The following ULK4 variants were observed in gnomAD, a reference collection of about 807,000 sequenced individuals.
ULK4 encodes inactive serine/threonine-protein kinase ULK4.
Under a neutral mutation model 160.6 loss-of-function variants are expected in ULK4, and 133 were observed. The ratio of observed to expected loss-of-function variants is 0.83; its 90% confidence interval spans 0.72 to 0.96. The LOEUF (loss-of-function observed/expected upper bound fraction) is 0.96, where lower values mean the gene tolerates loss of function less well. Among genes scored for constraint, ULK4 ranks in the 40% least tolerant of loss-of-function variants. ULK4 has a pLI of 0.00. For synonymous variants in ULK4, 534 were observed against 539.8 expected, an observed-to-expected ratio of 0.99 and a Z score of 0.15; for missense variants, 1,580 against 1,499.5, an observed-to-expected ratio of 1.05 and a Z score of -0.89.
intron 31 of ULK4, among the ~76,000 whole-genome samples, chr3:41,588,288 C>T (rs2030987135): frequency 6.6e-6 from 1 of 152,192 alleles, no homozygotes; most frequent in Admixed American, 6.5e-5. Flanking sequence ...TTAATATATA[C>T]TTTTTGGAAC....
intron 34 of ULK4, among the ~76,000 whole-genome samples, chr3:41,414,541 T>C (rs780860886): frequency 6.6e-6 from 1 of 152,152 alleles, no homozygotes; most frequent in Non-Finnish European, 1.5e-5. Flanking sequence ...AAAAAGTATA[T>C]GAAAAATATT....
chr3:41,519,825 T>C (rs996784615), intron 32 of ULK4, among the ~76,000 whole-genome samples: 20 of 152,238 alleles, frequency 1.3e-4, no homozygotes, highest in African/African-American at 4.6e-4. Context: ...TACTATTTTG[T>C]AAGTTGCATA....
At chr3:41,283,328 C>G (rs138460558) in intron 35 of ULK4, among the ~76,000 whole-genome samples, 1 of 152,320 alleles carries the variant, frequency 6.6e-6, no homozygotes, top group African/African-American at 2.4e-5. Context: ...CATCATGCTA[C>G]TGTAAAGACA....
At chr3:41,873,491 T>C (rs1371328535) in intron 17 of ULK4, among the ~76,000 whole-genome samples, 1 of 152,204 alleles carries the variant, frequency 6.6e-6, no homozygotes, top group African/African-American at 2.4e-5. Flanking sequence ...CATTCACATG[T>C]GTATTCCAAA....
chr3:41,250,937 C>T (rs1408949775), intron 35 of ULK4: 1 of 152,200 alleles, frequency 6.6e-6, no homozygotes, highest in Non-Finnish European at 1.5e-5. Flanking sequence ...AAGGTACACT[C>T]CCCATCAGGC....
intron 34 of ULK4, among the ~76,000 whole-genome samples, chr3:41,454,760 T>G (rs981262813): frequency 1.3e-5 from 2 of 152,078 alleles, no homozygotes; most frequent in African/African-American, 4.8e-5. Context: ...TGGCACGATC[T>G]TGGTTCACTG....
chr3:41,838,436 T>TTATA (rs1047783729), intron 17 of ULK4, among the ~76,000 whole-genome samples: 1 of 152,138 alleles, frequency 6.6e-6, no homozygotes, highest in Admixed American at 6.5e-5. Context: ...CAGTAGACTG[T>TTATA]TTTATGTATG....
At chr3:41,590,002 T>A (rs577889562) in intron 31 of ULK4, among the ~76,000 whole-genome samples, 96 of 151,350 alleles carry the variant, frequency 6.3e-4, no homozygotes, top group Non-Finnish European at 1.1e-3. Context: ...AAATGCAAGG[T>A]TTTTTTTGTT....
intron 20 of ULK4, among the ~76,000 whole-genome samples, chr3:41,794,683 A>AAAAAAAAAAAAAAC (rs1559557491): frequency 2.4e-5 from 3 of 126,802 alleles, no homozygotes; most frequent in Non-Finnish European, 3.3e-5. Flanking sequence ...AAAAAAAAAA[A>AAAAAAAAAAAAAAC]AAACACAGAA....
intron 34 of ULK4, among the ~76,000 whole-genome samples, chr3:41,451,086 A>T (rs1350373541): frequency 6.6e-6 from 1 of 152,158 alleles, no homozygotes; most frequent in African/African-American, 2.4e-5. Context: ...GGCTCTAAGC[A>T]GGACAGTGAA....
intron 31 of ULK4, among the ~76,000 whole-genome samples, chr3:41,589,409 A>T (rs991607893): frequency 1.3e-5 from 2 of 149,886 alleles, no homozygotes; most frequent in African/African-American, 5.0e-5. Flanking sequence ...TGCACAGGAA[A>T]AAACACCACA....
At chr3:41,377,942 C>G (rs1280292706) in intron 35 of ULK4, among the ~76,000 whole-genome samples, 1 of 151,556 alleles carries the variant, frequency 6.6e-6, no homozygotes, top group Non-Finnish European at 1.5e-5. Flanking sequence ...TATTGCAGCA[C>G]TATTCACAAT....
At chr3:41,846,081 A>G (rs536864790) in intron 17 of ULK4, among the ~76,000 whole-genome samples, 4 of 152,328 alleles carry the variant, frequency 2.6e-5, no homozygotes, top group South Asian at 2.1e-4. Context: ...TTAGAACTCA[A>G]TGTCTTGTAA....
intron 34 of ULK4, among the ~76,000 whole-genome samples, chr3:41,445,759 A>T (rs34038224): frequency 6.6e-6 from 1 of 150,566 alleles, no homozygotes; most frequent in Non-Finnish European, 1.5e-5. Flanking sequence ...TAGACCTAAA[A>T]CCATAAAAAC....
chr3:41,467,510 G>C (rs1004158280), intron 32 of ULK4, among the ~76,000 whole-genome samples: 2 of 152,180 alleles, frequency 1.3e-5, no homozygotes, highest in African/African-American at 2.4e-5. Flanking sequence ...CTGGGTGATA[G>C]AGCACGACTC....
chr3:41,490,382 T>G (rs998372835), intron 32 of ULK4, among the ~76,000 whole-genome samples: 1 of 152,204 alleles, frequency 6.6e-6, no homozygotes, highest in African/African-American at 2.4e-5. Flanking sequence ...TGTATGTTCA[T>G]AGCTGACTGT....
intron 2 of ULK4, among the ~76,000 whole-genome samples, chr3:41,944,108 C>T (rs1716693): frequency 0.68 from 103,670 of 151,976 alleles, 39,010 homozygotes; most frequent in East Asian, 0.83. Context: ...AACGTAACCC[C>T]GTGGCACCCT....
Position 41,826,882 on chromosome 3 carries a change from A to G in ULK4, c.1765-7376T>C, listed in dbSNP as rs542404940. Among the ~76,000 whole-genome samples, 12 of 143,824 alleles carry G rather than the reference A, an allele frequency of 8.3e-5. 2 individuals carry two copies. The East Asian group carries it at 2.2e-3, about 26-fold the overall frequency. 94.4% of individuals were successfully genotyped at this position (143,824 alleles called of 152,430 possible). On this transcript the variant is annotated intron_variant, in intron 18 of 36. Coordinates refer to ENST00000301831, the MANE Select transcript of ULK4 (RefSeq NM_017886.4). ...TTTTTTTCAGCACCACAACACACCT[A>G]TTCCAAAAGTGACCACATAGTTGGA...
rs142809100 is a variant in ULK4 at position 41,619,453 on chromosome 3, G to A, written c.3072-3736C>T. On this transcript the variant is annotated intron_variant, in intron 30 of 36. Coordinates refer to ENST00000301831, the MANE Select transcript of ULK4 (RefSeq NM_017886.4). Reference sequence around the variant, plus strand: ...CAGACCACAGTGCAATCAAATTCAGGATTAAGAAATTCACTCAAAACCACA... The same window carrying A: ...CAGACCACAGTGCAATCAAATTCAGAATTAAGAAATTCACTCAAAACCACA... Among the ~76,000 whole-genome samples the A allele has an allele frequency of 1.2e-4, 18 of 151,772 alleles. 1 individual carries two copies. The East Asian group carries it at 3.3e-3, about 28-fold the overall frequency.
Sources: gnomAD v4.1 joint callset for allele counts (sites outside exome capture counted in the v4.1 genomes callset) on GRCh38, gnomAD v4.1.1 for gene constraint, MANE v1.5 for transcripts, NCBI Gene and HGNC (gene_info 2026-07-23, HGNC 2026-07-21) for gene names.